The following OCA2 variants were observed in gnomAD, a reference collection of about 807,000 sequenced individuals.
The protein encoded by OCA2 is OCA2 melanosomal transmembrane protein, also known as P protein.
In OCA2, 77 loss-of-function variants were observed where a neutral mutation model predicts 100.2. The ratio of observed to expected loss-of-function variants is 0.77; its 90% CI spans 0.64 to 0.93. OCA2 has a LOEUF of 0.93. Ranked by LOEUF, OCA2 falls within the 40% of genes least tolerant of loss-of-function variation. The pLI is 0.00. For missense variants in OCA2, 1,062 were observed against 1,089.1 expected (o/e 0.98, Z 0.35); for synonymous variants, 432 against 439.2 (o/e 0.98, Z 0.21).
intron 8 of OCA2, 145 bp downstream of exon 8, chr15:28,015,959 C>A: frequency 1.4e-6 from 1 of 722,606 alleles, no homozygotes; most frequent in Non-Finnish European, 2.5e-6. Flanking sequence ...TTTGAGCTCA[C>A]TGTCTACACA....
At chr15:28,053,562 C>G (rs2043584788) in intron 2 of OCA2, among the ~76,000 whole-genome samples, 1 of 152,196 alleles carries the variant, frequency 6.6e-6, no homozygotes, top group South Asian at 2.1e-4. Flanking sequence ...CCACTCAGGG[C>G]TACTACCATG....
chr15:28,021,882 C>T (rs1487002537), intron 6 of OCA2, among the ~76,000 whole-genome samples: 2 of 152,104 alleles, frequency 1.3e-5, no homozygotes, highest in Non-Finnish European at 2.9e-5. Context: ...TGGCAGGGCG[C>T]CCGGTAATTC....
chr15:27,821,495 C>T (rs1215448365), intron 23 of OCA2, among the ~76,000 whole-genome samples: 1 of 152,060 alleles, frequency 6.6e-6, no homozygotes, highest in Non-Finnish European at 1.5e-5. Flanking sequence ...CGCACACCCA[C>T]ACAGGTATAC....
chr15:28,051,384 C>T (rs1434227990), intron 2 of OCA2, among the ~76,000 whole-genome samples: 1 of 152,010 alleles, frequency 6.6e-6, no homozygotes, highest in Non-Finnish European at 1.5e-5. Flanking sequence ...TCTCCGCCTC[C>T]CAGGTTCAAG....
chr15:27,877,292 G>C (rs557766561), intron 19 of OCA2, among the ~76,000 whole-genome samples: 6 of 152,024 alleles, frequency 3.9e-5, no homozygotes, highest in Admixed American at 3.3e-4. Flanking sequence ...TGACAAGATT[G>C]AATTCTGTGG....
chr15:27,869,952 T>C (rs2036478693), intron 21 of OCA2, among the ~76,000 whole-genome samples: 1 of 151,998 alleles, frequency 6.6e-6, no homozygotes, highest in South Asian at 2.1e-4. Flanking sequence ...ACCAAAAAAA[T>C]AACAGCCACC....
In OCA2 at chr15:27,932,035, G is replaced by A. The variant is rs377337190; in HGVS notation, c.1952-5781C>T. On this transcript the variant is annotated intron_variant, in intron 18 of 23. Transcript: ENST00000354638. ...CAAGGCACCACTTTGAATTCCAAGG[G>A]CCTCGCCGTCCAGTGGAGAACACAT... 1.6e-4 allele frequency among the ~76,000 whole-genome samples: 25 copies of A among 152,276 alleles called. 1 individual carries two copies. Among genetic ancestry groups the A allele is most frequent in the African/African-American group, 5.5e-4 (23 of 41,566 alleles).
intron 11 of OCA2, among the ~76,000 whole-genome samples, chr15:27,986,868 A>G (rs2041372184): frequency 1.3e-5 from 2 of 152,204 alleles, no homozygotes. Flanking sequence ...ATGTGTGTCC[A>G]GGGATTTGTC....
At chr15:27,744,026 G>A in the OCA2 span, among the ~76,000 whole-genome samples, 1 of 152,148 alleles carries the variant, frequency 6.6e-6, no homozygotes, top group Non-Finnish European at 1.5e-5. Flanking sequence ...AGTCCATAAA[G>A]TATTGTGAGA....
rs372270672 is a variant in OCA2, at chr15:27,989,176, G to C, written c.1182+425C>G. On this transcript the variant is annotated intron_variant, in intron 11 of 23. Coordinates refer to ENST00000354638, the MANE Select transcript of OCA2 (RefSeq NM_000275.3). ...GGTGGACTTGGTGGCATTCCTCACA[G>C]CAGAGTGGCCACTGGGCACTATGAT... 2.8e-4 allele frequency among the ~76,000 whole-genome samples: 42 copies of C among 152,248 alleles called. 1 individual carries two copies. The South Asian group carries it at 8.3e-3, about 30-fold the overall frequency.
chr15:27,873,557 T>C (rs2036670059), intron 19 of OCA2, among the ~76,000 whole-genome samples: 4 of 152,190 alleles, frequency 2.6e-5, no homozygotes, highest in Non-Finnish European at 5.9e-5. Context: ...AAATACCAAA[T>C]AGAGATGGTT....
the OCA2 span, among the ~76,000 whole-genome samples, chr15:27,736,448 C>T: frequency 6.6e-6 from 1 of 152,156 alleles, no homozygotes; most frequent in African/African-American, 2.4e-5. Context: ...AAAGGCAGGA[C>T]ACAGAGCAGA....
the OCA2 span, among the ~76,000 whole-genome samples, chr15:27,749,347 AAG>A: frequency 6.6e-6 from 1 of 152,204 alleles, no homozygotes; most frequent in African/African-American, 2.4e-5. Context: ...ACTGTCAACT[AAG>A]AACTATGTCC....
At chr15:27,874,279 A>C (rs1481816652) in intron 19 of OCA2, among the ~76,000 whole-genome samples, 3 of 152,180 alleles carry the variant, frequency 2.0e-5, no homozygotes, top group Non-Finnish European at 4.4e-5. Flanking sequence ...CTTGAGTGGC[A>C]CAGGATGGAA....
intron 23 of OCA2, among the ~76,000 whole-genome samples, chr15:27,803,371 A>G (rs932360048): frequency 4.6e-5 from 7 of 152,238 alleles, no homozygotes; most frequent in Non-Finnish European, 1.0e-4. Context: ...TGGTATATCT[A>G]CACAATGGAA....
intron 21 of OCA2, among the ~76,000 whole-genome samples, chr15:27,870,156 G>A (rs909272743): frequency 2.6e-4 from 39 of 152,194 alleles, no homozygotes; most frequent in African/African-American, 8.9e-4. Context: ...GCTCCAGCCC[G>A]GGGGTGCCAT....
chr15:27,726,255 G>A, the OCA2 span, among the ~76,000 whole-genome samples: 1 of 151,962 alleles, frequency 6.6e-6, no homozygotes, highest in Non-Finnish European at 1.5e-5. Flanking sequence ...CCAAGATCAT[G>A]CCACTACACT....
intron 15 of OCA2, among the ~76,000 whole-genome samples, chr15:27,960,122 C>T (rs1412118311): frequency 6.6e-6 from 1 of 152,184 alleles, no homozygotes; most frequent in Non-Finnish European, 1.5e-5. Flanking sequence ...AAACTCATAG[C>T]TAAACACTTT....
chr15:27,816,029 G>A (rs528295013), intron 23 of OCA2, among the ~76,000 whole-genome samples: 3 of 152,176 alleles, frequency 2.0e-5, no homozygotes, highest in Non-Finnish European at 4.4e-5. Flanking sequence ...AGCTACTCAG[G>A]AGGCTGAGGC....
Sources: gnomAD v4.1 joint callset for allele counts (sites outside exome capture counted in the v4.1 genomes callset) on GRCh38, gnomAD v4.1.1 for gene constraint, MANE v1.5 for transcripts, NCBI Gene and HGNC (gene_info 2026-07-23, HGNC 2026-07-21) for gene names.